The following RAB28 variants were observed in gnomAD, a reference collection of about 807,000 sequenced individuals.
RAB28 encodes the protein RAB28, member RAS oncogene family.
A neutral mutation model predicts 31.7 loss-of-function variants in RAB28; 24 were observed. That is an observed-to-expected ratio of 0.76 (90% CI 0.55 to 1.06). The LOEUF (loss-of-function observed/expected upper bound fraction) is 1.06. Ranked by LOEUF, RAB28 falls within the 50% of genes least tolerant of loss-of-function variation. The probability of loss-of-function intolerance (pLI) is 0.00; values close to 1 mark genes in which losing one functional copy is unlikely to be tolerated. For missense variants in RAB28, 254 were observed against 258.5 expected, an observed-to-expected ratio of 0.98 and a Z score of 0.12; for synonymous variants, 100 against 90.4, an observed-to-expected ratio of 1.11 and a Z score of -0.60.
At chr4:13,471,348 T>C (rs1716110713) in intron 3 of RAB28, among the ~76,000 whole-genome samples, 1 of 152,128 alleles carries the variant, frequency 6.6e-6, no homozygotes, top group African/African-American at 2.4e-5. Flanking sequence ...CTCCAATTTA[T>C]AGTAGTAAAT....
At chr4:13,421,359 C>A (rs1394551858) in intron 4 of RAB28, among the ~76,000 whole-genome samples, 1 of 152,090 alleles carries the variant, frequency 6.6e-6, no homozygotes, top group African/African-American at 2.4e-5. Flanking sequence ...CAATGCCATC[C>A]CCATCAAGCT....
At chr4:13,470,395 T>C (rs1171158291) in intron 3 of RAB28, among the ~76,000 whole-genome samples, 1 of 151,880 alleles carries the variant, frequency 6.6e-6, no homozygotes, top group Non-Finnish European at 1.5e-5. Context: ...TCTTGGAGAG[T>C]CCAGTTTTGA....
chr4:13,451,429 TG>T (rs1714962396), intron 4 of RAB28, among the ~76,000 whole-genome samples: 1 of 150,982 alleles, frequency 6.6e-6, no homozygotes, highest in Non-Finnish European at 1.5e-5. Flanking sequence ...TCTTTTGTTT[TG>T]GTTTTTTGCT....
At chr4:13,406,947 T>C (rs1712129531) in intron 4 of RAB28, among the ~76,000 whole-genome samples, 1 of 152,234 alleles carries the variant, frequency 6.6e-6, no homozygotes, top group Non-Finnish European at 1.5e-5. Context: ...ATTCTATAGG[T>C]TGCCTGTTCA....
intron 4 of RAB28, among the ~76,000 whole-genome samples, chr4:13,388,066 G>A (rs896261465): frequency 8.6e-6 from 1 of 116,808 alleles, no homozygotes; most frequent in Admixed American, 8.8e-5. Flanking sequence ...TTTAACAAAC[G>A]TGGTGTTATT....
At chr4:13,391,574 T>C (rs1358128410) in intron 4 of RAB28, among the ~76,000 whole-genome samples, 4 of 152,208 alleles carry the variant, frequency 2.6e-5, no homozygotes, top group Admixed American at 1.3e-4. Context: ...CAAAGGATTA[T>C]AAATCACGCT....
chr4:13,449,975 A>G (rs1714879884), intron 4 of RAB28, among the ~76,000 whole-genome samples: 1 of 151,938 alleles, frequency 6.6e-6, no homozygotes, highest in Non-Finnish European at 1.5e-5. Context: ...TAAAGATAGA[A>G]AATAACAAAA....
chr4:13,384,982 A>C (rs1213885466), intron 4 of RAB28, among the ~76,000 whole-genome samples: 1 of 152,226 alleles, frequency 6.6e-6, no homozygotes, highest in Non-Finnish European at 1.5e-5. Context: ...GAGCTGACAG[A>C]CAAAACAGCC....
At chr4:13,415,124 T>C (rs904500755) in intron 4 of RAB28, among the ~76,000 whole-genome samples, 3 of 152,242 alleles carry the variant, frequency 2.0e-5, no homozygotes, top group African/African-American at 7.2e-5. Flanking sequence ...ATTGCAGATA[T>C]AATGACATCA....
At chr4:13,442,850 A>G (rs947810257) in intron 4 of RAB28, among the ~76,000 whole-genome samples, 10 of 152,174 alleles carry the variant, frequency 6.6e-5, no homozygotes, top group African/African-American at 1.9e-4. Flanking sequence ...TAAGGTAAAA[A>G]GAGGGTAGGG....
intron 5 of RAB28, among the ~76,000 whole-genome samples, chr4:13,380,790 C>T (rs531839453): frequency 6.6e-6 from 1 of 151,868 alleles, no homozygotes; most frequent in African/African-American, 2.4e-5. Context: ...CAAAATTTTA[C>T]ATTAGAACAT....
intron 4 of RAB28, chr4:13,459,921 C>T: frequency 7.8e-7 from 1 of 1,289,196 alleles, no homozygotes; most frequent in African/African-American, 1.5e-5. Context: ...TGCTGCTTTC[C>T]TAGACCACAG....
chr4:13,402,041 T>C (rs2108901192), intron 4 of RAB28, among the ~76,000 whole-genome samples: 1 of 152,382 alleles, frequency 6.6e-6, no homozygotes, highest in South Asian at 2.1e-4. Context: ...AAATTCTTAA[T>C]ATTTGGGAAT....
In RAB28 at chr4:13,439,836, T is replaced by A. The variant is rs1460789244; in HGVS notation, c.391+20863A>T. ...TCTGTTGAACCCATCACCCAAAGAGTGAGCCTAGTACCATAATGCCCTCAA... is the reference window on the plus strand; with the variant it reads ...TCTGTTGAACCCATCACCCAAAGAGAGAGCCTAGTACCATAATGCCCTCAA... On this transcript the variant is annotated intron_variant, in intron 4 of 6. Transcript: ENST00000330852. 3.3e-5 allele frequency among the ~76,000 whole-genome samples: 5 copies of A among 152,104 alleles called. No homozygotes were observed. The East Asian group carries it at 9.6e-4, about 29-fold the overall frequency.
At chr4:13,422,601 G>A (rs914872715) in intron 4 of RAB28, among the ~76,000 whole-genome samples, 1 of 152,110 alleles carries the variant, frequency 6.6e-6, no homozygotes, top group Non-Finnish European at 1.5e-5. Flanking sequence ...TCCTTTGCAG[G>A]GACATGGACG....
At position 13,473,080 on chromosome 4, in the gene RAB28, A is replaced by C. The variant is rs549381628; in HGVS notation, c.261+1238T>G. 3.3e-5 allele frequency among the ~76,000 whole-genome samples: 5 copies of C among 152,076 alleles called. No homozygotes were observed. In the East Asian group the frequency reaches 5.8e-4, roughly 18 times the overall value. On this transcript the variant is annotated intron_variant, in intron 3 of 6. Coordinates refer to ENST00000330852, the MANE Select transcript of RAB28 (RefSeq NM_001017979.3). ...GCCTTTATAAGTGATTCAGAACCAT[A>C]TTAGCCTCTATAGCCATACTGTCCT... is the stretch of plus-strand genomic sequence containing the variant.
At chr4:13,440,159 T>C (rs1210317995) in intron 4 of RAB28, among the ~76,000 whole-genome samples, 1 of 152,200 alleles carries the variant, frequency 6.6e-6, no homozygotes. Context: ...TTGTGTCCAA[T>C]AGATTCTTAA....
chr4:13,398,777 C>CAA (rs869245506), intron 4 of RAB28, among the ~76,000 whole-genome samples: 18 of 74,814 alleles, frequency 2.4e-4, no homozygotes, highest in Admixed American at 1.1e-3. Context: ...GACTCCGTTT[C>CAA]AAAAAAAAAA....
At chr4:13,405,497 T>C (rs547743933) in intron 4 of RAB28, among the ~76,000 whole-genome samples, 10 of 152,180 alleles carry the variant, frequency 6.6e-5, no homozygotes, top group Non-Finnish European at 1.2e-4. Context: ...CTAGTCCTAA[T>C]TGAAACTCAT....
Sources: allele counts gnomAD v4.1 joint callset (sites outside exome capture counted in the v4.1 genomes callset), GRCh38; gene constraint gnomAD v4.1.1; transcripts MANE v1.5; gene names NCBI Gene and HGNC (gene_info 2026-07-23, HGNC 2026-07-21).